RTCB: variants seen among roughly 807,000 people sequenced by gnomAD.
The protein encoded by RTCB is RNA 2',3'-cyclic phosphate and 5'-OH ligase.
Under a neutral mutation model 58.2 loss-of-function variants are expected in RTCB, and 32 were observed. The observed-to-expected ratio is 0.55, with a 90% CI of 0.41 to 0.74. The LOEUF (loss-of-function observed/expected upper bound fraction) is 0.74. RTCB is among the 30% of genes least tolerant of loss of function. The pLI is 0.00. For synonymous variants in RTCB, 247 were observed against 218.6 expected (o/e 1.13, Z -1.15); for missense variants, 523 against 639.0 (o/e 0.82, Z 1.96).
chr22:32,394,985 G>T, intron 9 of RTCB, 41 bp downstream of exon 9: 3 of 1,516,936 alleles, frequency 2.0e-6, no homozygotes, highest in South Asian at 1.2e-5. Flanking sequence ...AATCTAAATC[G>T]TGCCCCCACT....
intron 1 of RTCB, 112 bp from the exon 2 acceptor site, chr22:32,408,945 CTT>C: frequency 1.3e-6 from 1 of 755,060 alleles, no homozygotes; most frequent in Non-Finnish European, 2.3e-6. Flanking sequence ...TTACCAAACA[CTT>C]TCACGTTACC....
chr22:32,408,926 C>T, intron 1 of RTCB, 93 bp from the exon 2 acceptor site: 1 of 856,674 alleles, frequency 1.2e-6, no homozygotes, highest in Non-Finnish European at 2.0e-6. Flanking sequence ...ATTTACTGTG[C>T]TTTACTCTTT....
chr22:32,407,622 G>C (rs184539459), intron 3 of RTCB: 1 of 152,630 alleles, frequency 6.6e-6, no homozygotes, highest in Admixed American at 6.5e-5. Flanking sequence ...CACTGATCCA[G>C]GAATAATGTT....
intron 4 of RTCB, 59 bp from the exon 5 acceptor site, chr22:32,401,962 C>G: frequency 1.3e-6 from 2 of 1,538,840 alleles, no homozygotes; most frequent in Admixed American, 3.6e-5. Context: ...CCTGCAGTTT[C>G]TCGCCATTAA....
chr22:32,398,029 A>C lies in RTCB; in HGVS notation c.726T>G (p.Ala242=). The C allele has an allele frequency of 6.2e-7, 1 of 1,614,160 alleles. No individual in the cohort carries two copies. The highest frequency in any genetic ancestry group is 8.5e-7 in the Non-Finnish European group (1 of 1,180,028). Residue 242 remains alanine, a synonymous_variant, in exon 7 of 12, where the codon GCT becomes GCG. Coordinates refer to ENST00000216038, the MANE Select transcript of RTCB (RefSeq NM_014306.5). The part of the protein sequence containing the change: ...QVVDEIFNEY[A]AKKMGIDHKG... ...TATGGTCGATGCCCATTTTTTTAGC[A>C]GCATACTCATTGAAAATCTCATCCA...
Position 32,388,005 on chromosome 22 carries a change from A to T in RTCB, c.1505T>A (p.Val502Glu). ...KKAIKLRPIA[V>E]IKG ...CTGTCCAAGGTTCTATCCTTTGATC[A>T]CAGCAATTGGTCTCAGTTTAATGGC... The change falls in exon 12 of 12, where the codon GTG becomes GAG. Residue 502 changes from valine to glutamate, a missense_variant. Coordinates refer to ENST00000216038, the MANE Select transcript of RTCB (RefSeq NM_014306.5). The T allele has an allele frequency of 1.2e-6, 2 of 1,612,104 alleles. No homozygotes were observed. Among genetic ancestry groups the T allele is most frequent in the Non-Finnish European group, 1.7e-6 (2 of 1,178,150 alleles).
intron 3 of RTCB, chr22:32,407,436 T>C (rs1933445571): frequency 6.5e-6 from 1 of 152,682 alleles, no homozygotes; most frequent in Non-Finnish European, 1.5e-5. Flanking sequence ...TAAACTGTGG[T>C]GGGGGCTATG....
At chr22:32,393,406 G>A (rs1056171474) in intron 10 of RTCB, among the ~76,000 whole-genome samples, 2 of 152,166 alleles carry the variant, frequency 1.3e-5, no homozygotes, top group Non-Finnish European at 2.9e-5. Flanking sequence ...CCTGGGCTTA[G>A]AAGATGAGAG....
At position 32,412,219 on chromosome 22, in the gene RTCB, G is replaced by C. The variant is rs373254292; in HGVS notation, c.-63C>G. The C allele has an allele frequency of 7.5e-5, 105 of 1,392,922 alleles. 2 individuals are homozygous for C. The East Asian group carries it at 1.5e-3, about 19-fold the overall frequency. The allele number at this position is 1,392,922 out of a possible 1,614,324, so 86.3% of individuals were successfully genotyped here. ...TTGAAGAGCCGCTGCCGCGTAGTCC[G>C]GCTTCTCAGAGCACCGCCTTCCAAG... On this transcript the variant is annotated 5_prime_UTR_variant, in exon 1 of 12. Transcript: ENST00000216038.
chr22:32,389,522 G>C (rs186620005), intron 11 of RTCB, among the ~76,000 whole-genome samples: 70 of 152,118 alleles, frequency 4.6e-4, no homozygotes, highest in African/African-American at 1.6e-3. Context: ...TTGTAGCTCA[G>C]GCTGGTCTCA....
chr22:32,406,914 T>C (rs1449719694), intron 3 of RTCB, among the ~76,000 whole-genome samples, 153 bp from the exon 4 acceptor site: 1 of 152,280 alleles, frequency 6.6e-6, no homozygotes, highest in Admixed American at 6.5e-5. Context: ...TGCATGGAAA[T>C]AGTAAGAACT....
At chr22:32,404,196 A>G (rs1233813632) in intron 4 of RTCB, among the ~76,000 whole-genome samples, 4 of 152,190 alleles carry the variant, frequency 2.6e-5, no homozygotes, top group African/African-American at 9.6e-5. Flanking sequence ...TTGCTGGATC[A>G]TATGGTAGTT....
intron 10 of RTCB, among the ~76,000 whole-genome samples, chr22:32,392,885 C>T (rs959231906): frequency 3.9e-5 from 6 of 152,206 alleles, no homozygotes; most frequent in African/African-American, 1.4e-4. Context: ...GAAAAGGGGC[C>T]GGCAAACTAC....
intron 5 of RTCB, among the ~76,000 whole-genome samples, chr22:32,400,438 G>A (rs1409869647): frequency 1.3e-5 from 2 of 152,162 alleles, no homozygotes; most frequent in Non-Finnish European, 2.9e-5. Context: ...CACTACCCCA[G>A]ATGACAGCCC....
chr22:32,406,826 C>T (rs773062601), intron 3 of RTCB, 65 bp from the exon 4 acceptor site: 10 of 1,088,340 alleles, frequency 9.2e-6, no homozygotes, highest in Non-Finnish European at 1.4e-5. Flanking sequence ...CCCTGATGGA[C>T]CTGACACTGA....
In RTCB at chr22:32,392,531, C is replaced by A. The variant is rs1337482083; in HGVS notation, c.1291-172G>T. The stretch of plus-strand genomic sequence containing the variant: ...CTTTTAGATTTTGGACCGGAGAATT[C>A]TTTGTTGGGAGGCTGTCCTATGCAG... On this transcript the variant is annotated intron_variant, in intron 10 of 11. Coordinates refer to ENST00000216038, the MANE Select transcript of RTCB (RefSeq NM_014306.5). The A allele has an allele frequency of 3.4e-6, 3 of 870,470 alleles. No individual in the cohort carries two copies. The South Asian group carries it at 4.3e-5, about 12-fold the overall frequency. 53.9% of individuals were successfully genotyped at this position (870,470 alleles called of 1,614,324 possible).
chr22:32,392,456 C>T, intron 10 of RTCB, 97 bp from the exon 11 acceptor site: 2 of 1,476,728 alleles, frequency 1.4e-6, no homozygotes, highest in Non-Finnish European at 1.9e-6. Flanking sequence ...AAAAAAACAT[C>T]TTTTTTACTT....
chr22:32,399,771 T>C lies in RTCB; in HGVS notation c.498-12A>G. 3.1e-6 allele frequency: 5 copies of C among 1,609,920 alleles called. No individual in the cohort carries two copies. Among genetic ancestry groups the C allele is most frequent in the Non-Finnish European group, 4.2e-6 (5 of 1,177,846 alleles). The stretch of plus-strand genomic sequence containing the variant: ...CCTCCTCCAAGTCTCTGGATAAGTA[T>C]AAAAGGTGCTAGTCATCTCACAGCA... On this transcript the variant is annotated splice_polypyrimidine_tract_variant and intron_variant, in intron 5 of 11. Transcript: ENST00000216038.
At position 32,412,031 on chromosome 22, in the gene RTCB, C is replaced by T. The variant is rs372554928; in HGVS notation, c.93+33G>A. ...CGCCGGCCGGGCCGGGGACGGAGCA[C>T]GGAAGGCCCCGCCATTTGCTCTCCT... On this transcript the variant is annotated intron_variant, in intron 1 of 11. Coordinates refer to ENST00000216038, the MANE Select transcript of RTCB (RefSeq NM_014306.5). 102 of 1,553,380 alleles carry T rather than the reference C, an allele frequency of 6.6e-5. No homozygotes were observed. In the African/African-American group the frequency reaches 1.2e-3, roughly 18 times the overall value.
Sources: allele counts gnomAD v4.1 joint callset (sites outside exome capture counted in the v4.1 genomes callset), GRCh38; gene constraint gnomAD v4.1.1; transcripts MANE v1.5; gene names NCBI Gene and HGNC (gene_info 2026-07-23, HGNC 2026-07-21).